SORL1: variants seen among roughly 807,000 people sequenced by gnomAD.
SORL1 encodes the protein sortilin related receptor 1.
A neutral mutation model predicts 273.7 loss-of-function variants in SORL1; 127 were observed. The observed-to-expected ratio is 0.46, with a 90% CI of 0.40 to 0.54. The LOEUF is 0.54. Ranked by LOEUF, SORL1 falls within the 20% of genes least tolerant of loss-of-function variation. The probability of loss-of-function intolerance (pLI) is 0.00; values close to 1 mark genes in which losing one functional copy is unlikely to be tolerated. For synonymous variants in SORL1, 1,031 were observed against 1,067.4 expected, an observed-to-expected ratio of 0.97 and a Z score of 0.66; for missense variants, 2,494 against 2,846.1, an observed-to-expected ratio of 0.88 and a Z score of 2.81.
intron 3 of SORL1, among the ~76,000 whole-genome samples, chr11:121,481,319 C>A (rs1167908129): frequency 7.8e-6 from 1 of 128,810 alleles, no homozygotes; most frequent in Non-Finnish European, 1.6e-5. Flanking sequence ...CAGCTCCTCC[C>A]CTAGTGCACA....
Position 121,549,993 on chromosome 11 carries a change from A to G in SORL1, c.2085A>G (p.Ser695=), listed in dbSNP as rs147187803. 4.1e-5 allele frequency: 66 copies of G among 1,613,702 alleles called. No individual in the cohort carries two copies. In the Middle Eastern group the frequency reaches 4.9e-4, roughly 12 times the overall value. ...DFGFKMSEDL[S]LEVCVPDPEF... ...GTTTCAAGATGAGTGAAGATTTGTC[A>G]TTAGAGGTTTGTGTTCCAGATCCGG... Residue 695 remains serine, a synonymous_variant, in exon 15 of 48, where the codon TCA becomes TCG. Transcript: ENST00000260197.
At position 121,622,158 on chromosome 11, in the gene SORL1, T is replaced by C. The variant is rs751507476; in HGVS notation, c.6065-4T>C. ...CCGCATCCCATCTCATCTTTAATTT[T>C]CAGTTTCATTATCAGCACCTGATGC... On this transcript the variant is annotated splice_region_variant and splice_polypyrimidine_tract_variant and intron_variant, in intron 44 of 47. Coordinates refer to ENST00000260197, the MANE Select transcript of SORL1 (RefSeq NM_003105.6). 1.3e-6 allele frequency: 2 copies of C among 1,556,124 alleles called. No individual in the cohort carries two copies. The highest frequency in any genetic ancestry group is 4.5e-5 in the East Asian group (2 of 44,584).
Position 121,492,360 on chromosome 11 carries a change from C to CAATA in SORL1, c.758+2268_758+2271dup, listed in dbSNP as rs954014551. On this transcript the variant is annotated intron_variant, in intron 5 of 47. Transcript: ENST00000260197. ...TGTGCGACAGACCAAGACACTGTCTCAATAAATAAATAAATAAATAATAAC... is the reference window on the plus strand; with the variant it reads ...TGTGCGACAGACCAAGACACTGTCTCAATAAATAAATAAATAAATAAATAATAAC... Among the ~76,000 whole-genome samples, 9 of 151,954 alleles carry CAATA rather than the reference C, an allele frequency of 5.9e-5. No homozygotes were observed. The South Asian group carries it at 6.2e-4, about 11-fold the overall frequency.
intron 6 of SORL1, among the ~76,000 whole-genome samples, chr11:121,506,131 G>A (rs1428513466): frequency 6.6e-6 from 1 of 152,088 alleles, no homozygotes; most frequent in Non-Finnish European, 1.5e-5. Flanking sequence ...GAGTTCTGTT[G>A]TTAGGTGCAT....
intron 2 of SORL1, among the ~76,000 whole-genome samples, chr11:121,475,402 A>G (rs1026800538): frequency 1.9e-4 from 29 of 152,226 alleles, no homozygotes; most frequent in African/African-American, 5.3e-4. Context: ...GGACTCTTAC[A>G]TACTTGCTTT....
chr11:121,607,254 C>A lies in SORL1; in HGVS notation c.5130C>A (p.Ile1710=). The A allele has an allele frequency of 2.5e-6, 4 of 1,610,454 alleles. No individual in the cohort carries two copies. Among genetic ancestry groups the A allele is most frequent in the Non-Finnish European group, 3.4e-6 (4 of 1,176,752 alleles). Residue 1710 remains isoleucine (I), a synonymous_variant, in exon 37 of 48, where the codon ATC becomes ATA. Transcript: ENST00000260197. ...GGGCTGCTAGTAACTTTACAGAAATCAAGAACTTATTGGTCAACACTCTAT... is the reference window on the plus strand; with the variant it reads ...GGGCTGCTAGTAACTTTACAGAAATAAAGAACTTATTGGTCAACACTCTAT... ...SQRAASNFTE[I]KNLLVNTLYT...
Position 121,550,473 on chromosome 11 carries a change from A to C in SORL1, c.2181-112A>C. On this transcript the variant is annotated intron_variant, in intron 15 of 47. Coordinates refer to ENST00000260197, the MANE Select transcript of SORL1 (RefSeq NM_003105.6). The surrounding 1 kb of genome is among the most constrained non-coding windows in gnomAD (Gnocchi z 5.3). The stretch of plus-strand genomic sequence containing the variant: ...CATCCTCTTTCTAGTTCTAAAGAGA[A>C]ATGAGTGGATGGACTCTACTGGCCG... 1.1e-6 allele frequency: 1 copy of C among 869,624 alleles called. No homozygotes were observed. Among genetic ancestry groups the C allele is most frequent in the East Asian group, 2.6e-5 (1 of 38,670 alleles). The allele number at this position is 869,624 out of a possible 1,614,324, so 53.9% of individuals were successfully genotyped here.
intron 2 of SORL1, among the ~76,000 whole-genome samples, chr11:121,476,728 TCCTCCCTCCCTTCCCTTC>T (rs1861273853): frequency 1.3e-5 from 1 of 77,666 alleles, no homozygotes; most frequent in South Asian, 5.7e-4. Flanking sequence ...CCCTCCCTTC[TCCTCCCTCCCTTCCCTTC>T]CCTCCCTCCC....
Sources: gnomAD v4.1 joint callset for allele counts (sites outside exome capture counted in the v4.1 genomes callset) on GRCh38, gnomAD v4.1.1 for gene constraint, Gnocchi (gnomAD v3.1) non-coding constraint, MANE v1.5 for transcripts, NCBI Gene and HGNC (gene_info 2026-07-23, HGNC 2026-07-21) for gene names.